Variants in UBE2D4 observed in about 807,000 individuals in gnomAD.
UBE2D4 encodes the protein ubiquitin conjugating enzyme E2 D4.
A neutral mutation model predicts 23.0 loss-of-function variants in UBE2D4; 17 were observed. That is an observed-to-expected ratio of 0.74 (90% confidence interval 0.51 to 1.11). UBE2D4 has a LOEUF of 1.11. Among genes scored for constraint, UBE2D4 ranks in the 50% least tolerant of loss-of-function variants. UBE2D4 has a pLI of 0.00. For missense variants in UBE2D4, 139 were observed against 181.8 expected, an observed-to-expected ratio of 0.76 and a Z score of 1.35; for synonymous variants, 61 against 69.4, an observed-to-expected ratio of 0.88 and a Z score of 0.60.
At chr7:43,932,737 G>A (rs984652802) in intron 1 of UBE2D4, among the ~76,000 whole-genome samples, 1 of 151,702 alleles carries the variant, frequency 6.6e-6, no homozygotes, top group African/African-American at 2.4e-5. Context: ...AGGTTGCAGT[G>A]AACCAAGATG....
chr7:43,950,830 A>C (rs1283877192), intron 6 of UBE2D4, 138 bp downstream of exon 6: 4 of 698,882 alleles, frequency 5.7e-6, no homozygotes, highest in Non-Finnish European at 1.0e-5. Context: ...ATGTGCACAG[A>C]GGGTGTGCCC....
chr7:43,943,392 G>A (rs767435320), intron 4 of UBE2D4: 8 of 341,690 alleles, frequency 2.3e-5, no homozygotes, highest in Non-Finnish European at 4.3e-5. Flanking sequence ...ACTGCCCCAG[G>A]GACATTTGAG....
intron 1 of UBE2D4, among the ~76,000 whole-genome samples, chr7:43,929,140 A>C (rs1282054583): frequency 6.6e-6 from 1 of 152,148 alleles, no homozygotes; most frequent in Non-Finnish European, 1.5e-5. Flanking sequence ...AAAATAAAAA[A>C]ATGGCCGGGT....
In UBE2D4 at chr7:43,936,104, ATCAGGCGATCTGCCTACC is replaced by A. The variant is rs550153925; in HGVS notation, c.25-2324_25-2307del. Among the ~76,000 whole-genome samples, 41 of 152,334 alleles carry A rather than the reference ATCAGGCGATCTGCCTACC, an allele frequency of 2.7e-4. 1 individual carries two copies. Among genetic ancestry groups the A allele is most frequent in the African/African-American group, 9.1e-4 (38 of 41,582 alleles). On this transcript the variant is annotated intron_variant, in intron 1 of 6. Coordinates refer to ENST00000222402, the MANE Select transcript of UBE2D4 (RefSeq NM_015983.4). ...GCCAAACTGGTCTCGAACTCCTGACATCAGGCGATCTGCCTACCTCGGCCTCCCAAAGTGCTGGGATTA... is the reference window on the plus strand; with the variant it reads ...GCCAAACTGGTCTCGAACTCCTGACATCGGCCTCCCAAAGTGCTGGGATTA...
chr7:43,926,663 G>A (rs2095931562), intron 1 of UBE2D4, 107 bp downstream of exon 1: 5 of 1,240,322 alleles, frequency 4.0e-6, no homozygotes, highest in Non-Finnish European at 4.4e-6. Flanking sequence ...GCGAGTCGCG[G>A]ATACACCTGC....
rs780763472 is a variant in UBE2D4 at position 43,952,681 on chromosome 7, A to G, written c.430A>G (p.Lys144Glu). ...CAGACTAGCAAGAGAGTGGACACAAAAATATGCTATGTAAGTGCCTTGGAG... is the reference window on the plus strand; with the variant it reads ...CAGACTAGCAAGAGAGTGGACACAAGAATATGCTATGTAAGTGCCTTGGAG... ...YNRLAREWTQKYAM is the reference protein window; with the variant it reads ...YNRLAREWTQEYAM Residue 144 changes from lysine (K) to glutamate (E), a missense_variant, in exon 7 of 7, where the codon AAA becomes GAA. Lys to Glu is a moderately conservative substitution (Grantham distance 56, BLOSUM62 1). Coordinates refer to ENST00000222402, the MANE Select transcript of UBE2D4 (RefSeq NM_015983.4). The G allele has an allele frequency of 2.5e-6, 4 of 1,613,880 alleles. No individual in the cohort carries two copies. The highest frequency in any genetic ancestry group is 1.7e-6 in the Non-Finnish European group (2 of 1,179,812).
intron 1 of UBE2D4, among the ~76,000 whole-genome samples, chr7:43,932,562 G>A (rs149625640): frequency 0.072 from 10,904 of 152,268 alleles, 508 homozygotes; most frequent in Middle Eastern, 0.14. Flanking sequence ...GGAGGCCGAG[G>A]TGGATGGATC....
intron 1 of UBE2D4, among the ~76,000 whole-genome samples, chr7:43,934,413 A>T (rs1259224263): frequency 6.6e-6 from 1 of 151,714 alleles, no homozygotes; most frequent in Non-Finnish European, 1.5e-5. Flanking sequence ...AACTTTAGGA[A>T]TACCTGAACA....
chr7:43,934,608 T>G (rs1032259789), intron 1 of UBE2D4, among the ~76,000 whole-genome samples: 1 of 151,720 alleles, frequency 6.6e-6, no homozygotes, highest in East Asian at 1.9e-4. Flanking sequence ...CTTGGCTCAC[T>G]GCAACCTCCA....
intron 6 of UBE2D4, 136 bp downstream of exon 6, chr7:43,950,828 A>G (rs1024724296): frequency 5.7e-6 from 4 of 705,682 alleles, no homozygotes; most frequent in Non-Finnish European, 9.9e-6. Flanking sequence ...CCATGTGCAC[A>G]GAGGGTGTGC....
intron 1 of UBE2D4, among the ~76,000 whole-genome samples, chr7:43,933,344 G>A (rs2095951412): frequency 1.3e-5 from 2 of 151,630 alleles, no homozygotes; most frequent in African/African-American, 4.8e-5. Flanking sequence ...CTGTTATTCT[G>A]TAGTCTTTAA....
chr7:43,932,225 G>GA (rs2095947524), intron 1 of UBE2D4, among the ~76,000 whole-genome samples: 1 of 151,514 alleles, frequency 6.6e-6, no homozygotes, highest in Admixed American at 6.6e-5. Flanking sequence ...TCCTGACCTC[G>GA]TGATCCACCC....
In UBE2D4 at chr7:43,938,457, T is replaced by TCCTG. The variant is rs777399801; in HGVS notation, c.54_57dup (p.Gln20CysfsTer10). The TCCTG allele has an allele frequency of 6.2e-7, 1 of 1,614,148 alleles. No individual in the cohort carries two copies. Among genetic ancestry groups the TCCTG allele is most frequent in the Non-Finnish European group, 8.5e-7 (1 of 1,180,012 alleles). Reference sequence around the variant, plus strand: ...AATTAACCGACTTGCAGAGGGATCCTCCTGCCCAGTGTTCTGCAGGACCTG... The same window carrying TCCTG: ...AATTAACCGACTTGCAGAGGGATCCTCCTGCCTGCCCAGTGTTCTGCAGGACCTG... On this transcript the variant is annotated frameshift_variant, in exon 2 of 7. Transcript: ENST00000222402. LOFTEE classifies it high-confidence loss of function.
At chr7:43,930,617 G>T (rs555234334) in intron 1 of UBE2D4, among the ~76,000 whole-genome samples, 1 of 152,054 alleles carries the variant, frequency 6.6e-6, no homozygotes, top group East Asian at 1.9e-4. Context: ...ACCACATCTG[G>T]CTAATTTAAA....
At chr7:43,936,087 G>T (rs919694229) in intron 1 of UBE2D4, among the ~76,000 whole-genome samples, 1 of 152,168 alleles carries the variant, frequency 6.6e-6, no homozygotes, top group Non-Finnish European at 1.5e-5. Flanking sequence ...TGGCCAAACT[G>T]GTCTCGAACT....
rs1285493887 is a variant in UBE2D4 at position 43,955,923 on chromosome 7, C to T, written c.*3228C>T. 1 of 152,192 alleles carries T rather than the reference C, an allele frequency of 6.6e-6. No homozygotes were observed. Among genetic ancestry groups the T allele is most frequent in the African/African-American group, 2.4e-5 (1 of 41,424 alleles). 9.4% of individuals were successfully genotyped at this position (152,192 alleles called of 1,614,324 possible). ...GCTGCCAGCACCCACAAGACAGCAG[C>T]CTCATGCCATGCAGGCAGCAAGCCA... On this transcript the variant is annotated 3_prime_UTR_variant, in exon 7 of 7. Coordinates refer to ENST00000222402, the MANE Select transcript of UBE2D4 (RefSeq NM_015983.4).
At chr7:43,930,580 C>T (rs1470850141) in intron 1 of UBE2D4, among the ~76,000 whole-genome samples, 1 of 152,074 alleles carries the variant, frequency 6.6e-6, no homozygotes, top group African/African-American at 2.4e-5. Context: ...TTAGCTTTCC[C>T]AGTAGCTGGG....
intron 1 of UBE2D4, among the ~76,000 whole-genome samples, chr7:43,931,399 G>T (rs182042236): frequency 6.6e-6 from 1 of 151,858 alleles, no homozygotes; most frequent in Non-Finnish European, 1.5e-5. Context: ...AGCCGATATC[G>T]TGCCACTGCA....
At chr7:43,951,398 G>A (rs2096002195) in intron 6 of UBE2D4, among the ~76,000 whole-genome samples, 2 of 152,218 alleles carry the variant, frequency 1.3e-5, no homozygotes, top group African/African-American at 2.4e-5. Context: ...AGTCCAGTGA[G>A]TGGTGTGAAT....
Sources: allele counts gnomAD v4.1 joint callset (sites outside exome capture counted in the v4.1 genomes callset), GRCh38; gene constraint gnomAD v4.1.1; transcripts MANE v1.5; gene names NCBI Gene and HGNC (gene_info 2026-07-23, HGNC 2026-07-21).